Variants in STEAP1B observed in about 807,000 individuals in gnomAD.
STEAP1B encodes STEAP family protein MGC87042.
STEAP1B carries 13 observed loss-of-function variants against 27.9 expected under a neutral mutation model. The observed-to-expected ratio is 0.47, with a 90% CI of 0.30 to 0.74. STEAP1B has a LOEUF of 0.74. Among genes scored for constraint, STEAP1B ranks in the 30% least tolerant of loss-of-function variants. The pLI is 0.06. For synonymous variants in STEAP1B, 86 were observed against 107.1 expected (o/e 0.80, Z 1.22); for missense variants, 250 against 298.7 (o/e 0.84, Z 1.20).
chr7:22,456,972 A>ATATATATAT, intron 4 of STEAP1B, among the ~76,000 whole-genome samples: 4 of 57,082 alleles, frequency 7.0e-5, no homozygotes, highest in African/African-American at 2.8e-4. Flanking sequence ...ATATATATAT[A>ATATATATAT]TTTTTTTTTT....
chr7:22,484,775 A>G (rs1786171511), intron 4 of STEAP1B, among the ~76,000 whole-genome samples: 1 of 152,246 alleles, frequency 6.6e-6, no homozygotes, highest in Admixed American at 6.5e-5. Flanking sequence ...CATTAAAAAT[A>G]TTTGTGATTT....
At chr7:22,451,192 C>A (rs1209014786) in intron 4 of STEAP1B, among the ~76,000 whole-genome samples, 3 of 146,322 alleles carry the variant, frequency 2.1e-5, no homozygotes, top group African/African-American at 5.0e-5. Flanking sequence ...GATTCTGTCT[C>A]AAAAAAAAAA....
At chr7:22,468,072 T>G (rs1303100154) in intron 4 of STEAP1B, among the ~76,000 whole-genome samples, 1 of 152,216 alleles carries the variant, frequency 6.6e-6, no homozygotes, top group African/African-American at 2.4e-5. Flanking sequence ...TTTTTCTTAT[T>G]TGAAATTCAA....
chr7:22,486,138 C>T lies in STEAP1B; in HGVS notation c.762+6427G>A, dbSNP rs79997709. Among the ~76,000 whole-genome samples the T allele has an allele frequency of 4.3e-3, 647 of 151,340 alleles. 1 individual carries two copies. The highest frequency in any genetic ancestry group is 0.015 in the African/African-American group (620 of 41,520). ...GAATCCCAGGGGCAAGGGCACACAT[C>T]GTTGCTTTTTGAAGCTCCCCAGGTG... is the stretch of plus-strand genomic sequence containing the variant. On this transcript the variant is annotated intron_variant, in intron 4 of 4. Transcript: ENST00000678116.
chr7:22,497,573 G>C (rs1786463799), intron 1 of STEAP1B, among the ~76,000 whole-genome samples: 1 of 152,104 alleles, frequency 6.6e-6, no homozygotes, highest in African/African-American at 2.4e-5. Flanking sequence ...ACCCAACTCT[G>C]TGACCAACAT....
chr7:22,460,043 C>T (rs1006688740), intron 4 of STEAP1B, among the ~76,000 whole-genome samples: 2 of 151,970 alleles, frequency 1.3e-5, no homozygotes, highest in African/African-American at 4.8e-5. Flanking sequence ...GCTGTGGTGT[C>T]GCACACCTAT....
chr7:22,461,107 T>C (rs370784792), intron 4 of STEAP1B, among the ~76,000 whole-genome samples: 1 of 152,104 alleles, frequency 6.6e-6, no homozygotes, highest in Non-Finnish European at 1.5e-5. Flanking sequence ...ATACCATCCA[T>C]GGACTTCAAG....
rs563549853 is a variant in STEAP1B, at chr7:22,494,935, G to A, written c.-31-49C>T. On this transcript the variant is annotated intron_variant, in intron 1 of 4. Transcript: ENST00000678116. ...TTCATGTCTATTCTACTTATGATGT[G>A]AATGTCTGATGTAACAATATAAAAA... is the stretch of plus-strand genomic sequence containing the variant. 12 of 967,750 alleles carry A rather than the reference G, an allele frequency of 1.2e-5. No homozygotes were observed. The African/African-American group carries it at 1.5e-4, about 12-fold the overall frequency. The allele number at this position is 967,750 out of a possible 1,614,324, so 59.9% of individuals were successfully genotyped here.
At chr7:22,481,765 G>A (rs1718465008) in intron 4 of STEAP1B, among the ~76,000 whole-genome samples, 1 of 152,212 alleles carries the variant, frequency 6.6e-6, no homozygotes, top group Admixed American at 6.5e-5. Flanking sequence ...GTGCTCCCCA[G>A]ATGAACACAG....
At chr7:22,472,969 T>G (rs1162276539) in intron 4 of STEAP1B, among the ~76,000 whole-genome samples, 2 of 152,198 alleles carry the variant, frequency 1.3e-5, no homozygotes, top group African/African-American at 4.8e-5. Context: ...AAGACTGCTC[T>G]AAGAGCACCC....
intron 4 of STEAP1B, among the ~76,000 whole-genome samples, chr7:22,463,934 A>G (rs959239770): frequency 6.6e-6 from 1 of 151,810 alleles, no homozygotes; most frequent in Non-Finnish European, 1.5e-5. Flanking sequence ...AGCAATGGCA[A>G]CAAAAGCCAA....
At chr7:22,462,204 T>A (rs903535096) in intron 4 of STEAP1B, among the ~76,000 whole-genome samples, 26 of 152,210 alleles carry the variant, frequency 1.7e-4, no homozygotes, top group Admixed American at 1.6e-3. Context: ...GATTTGCCTA[T>A]GATTTTTCTT....
At chr7:22,491,865 C>T (rs1037303679) in intron 4 of STEAP1B, among the ~76,000 whole-genome samples, 2 of 152,072 alleles carry the variant, frequency 1.3e-5, no homozygotes, top group African/African-American at 4.8e-5. Context: ...CAGCTATGTT[C>T]TGTTTGAAAA....
At chr7:22,478,962 G>A (rs1786020084) in intron 4 of STEAP1B, among the ~76,000 whole-genome samples, 1 of 152,090 alleles carries the variant, frequency 6.6e-6, no homozygotes, top group Non-Finnish European at 1.5e-5. Flanking sequence ...CTGCAGCCCG[G>A]GGTCCTTGCC....
At chr7:22,483,859 G>A (rs1273569687) in intron 4 of STEAP1B, among the ~76,000 whole-genome samples, 1 of 152,200 alleles carries the variant, frequency 6.6e-6, no homozygotes, top group Non-Finnish European at 1.5e-5. Context: ...TCTCATACAG[G>A]TGTGATTCAT....
chr7:22,469,334 T>A lies in STEAP1B; in HGVS notation c.762+23231A>T, dbSNP rs868477388. Among the ~76,000 whole-genome samples, 11 of 152,052 alleles carry A rather than the reference T, an allele frequency of 7.2e-5. No individual in the cohort carries two copies. The South Asian group carries it at 1.0e-3, about 14-fold the overall frequency. On this transcript the variant is annotated intron_variant, in intron 4 of 4. Transcript: ENST00000678116. The stretch of plus-strand genomic sequence containing the variant: ...TAAGCTAAGTGTTACTACAAAAGAG[T>A]CAAAAAAGTTTATATGGTAAGTTAC...
At chr7:22,451,464 T>A (rs578059573) in intron 4 of STEAP1B, among the ~76,000 whole-genome samples, 3 of 152,354 alleles carry the variant, frequency 2.0e-5, no homozygotes, top group East Asian at 1.9e-4. Context: ...AAAGTGGGCA[T>A]CCTTGTCATG....
intron 4 of STEAP1B, among the ~76,000 whole-genome samples, chr7:22,454,841 A>ATG (rs1562572824): frequency 8.1e-5 from 6 of 74,174 alleles, no homozygotes; most frequent in East Asian, 9.2e-4. Context: ...ATATATATAT[A>ATG]TATATATGTA....
intron 4 of STEAP1B, among the ~76,000 whole-genome samples, chr7:22,433,809 A>G (rs1562566503): frequency 6.6e-6 from 1 of 152,236 alleles, no homozygotes. Flanking sequence ...AGATGAATTA[A>G]AGAACAAAAC....
Sources: gnomAD v4.1 joint callset for allele counts (sites outside exome capture counted in the v4.1 genomes callset) on GRCh38, gnomAD v4.1.1 for gene constraint, MANE v1.5 for transcripts, NCBI Gene and HGNC (gene_info 2026-07-23, HGNC 2026-07-21) for gene names.